Variants in TENT2 observed in about 807,000 individuals in gnomAD.
TENT2 encodes poly(A) RNA polymerase GLD2.
TENT2 carries 44 observed loss-of-function variants against 72.2 expected under a neutral mutation model. That is an observed-to-expected ratio of 0.61 (90% CI 0.48 to 0.78). TENT2 has a LOEUF of 0.78. Ranked by LOEUF, TENT2 falls within the 30% of genes least tolerant of loss-of-function variation. The pLI is 0.00. For synonymous variants in TENT2, 212 were observed against 192.5 expected, an observed-to-expected ratio of 1.10 and a Z score of -0.84; for missense variants, 541 against 569.6, an observed-to-expected ratio of 0.95 and a Z score of 0.51.
In TENT2 at chr5:79,613,299, ACTTGT is replaced by A. The variant is rs1048020154; in HGVS notation, c.-38+228_-38+232del. ...TCAAAACTTATGGATTCTCTAAATT[ACTTGT>A]CTTATCTCTTTCAACTCTTTGTTTA... On this transcript the variant is annotated intron_variant, in intron 1 of 14. Transcript: ENST00000453514. Among the ~76,000 whole-genome samples, 49 of 152,318 alleles carry A rather than the reference ACTTGT, an allele frequency of 3.2e-4. No individual in the cohort carries two copies. The Middle Eastern group carries it at 0.01, about 32-fold the overall frequency.
At position 79,685,462 on chromosome 5, in the gene TENT2, ATG is replaced by A; in HGVS notation, c.*191_*192del. ...CCTAATAAACCCCTTTGATTTAAAA[ATG>A]TATTTTTAAAAATGTTTACATTGAT... On this transcript the variant is annotated 3_prime_UTR_variant, in exon 15 of 15. Coordinates refer to ENST00000453514, the MANE Select transcript of TENT2 (RefSeq NM_001114394.3). The A allele has an allele frequency of 4.7e-6, 2 of 423,372 alleles. No homozygotes were observed. The highest frequency in any genetic ancestry group is 8.2e-6 in the Non-Finnish European group (2 of 243,796). 26.2% of individuals were successfully genotyped at this position (423,372 alleles called of 1,614,324 possible).
chr5:79,657,690 T>C (rs1798896780), intron 11 of TENT2, among the ~76,000 whole-genome samples: 1 of 152,204 alleles, frequency 6.6e-6, no homozygotes, highest in African/African-American at 2.4e-5. Flanking sequence ...AATTCTCTGT[T>C]TCTTTGTTTT....
At chr5:79,654,291 C>A (rs148382241) in intron 10 of TENT2, among the ~76,000 whole-genome samples, 3 of 151,996 alleles carry the variant, frequency 2.0e-5, no homozygotes, top group Non-Finnish European at 4.4e-5. Context: ...ATTAGCTGGG[C>A]GTGGTAGTGC....
intron 11 of TENT2, among the ~76,000 whole-genome samples, chr5:79,659,972 CT>C (rs1450293560): frequency 2.6e-5 from 4 of 151,902 alleles, no homozygotes; most frequent in African/African-American, 7.2e-5. Context: ...AACTTTGTTA[CT>C]TTACAAAGGA....
chr5:79,684,592 G>A (rs1825138205), intron 14 of TENT2, among the ~76,000 whole-genome samples: 1 of 152,168 alleles, frequency 6.6e-6, no homozygotes, highest in Admixed American at 6.5e-5. Flanking sequence ...AGCTAGTAAA[G>A]ATGTAAGACA....
rs373350966 is a variant in TENT2 at position 79,656,131 on chromosome 5, A to G, written c.1028-827A>G. ...TTTGAAAATGTATTACTTGTATTTT[A>G]CCATACTCATGACATTATATTTTAC... On this transcript the variant is annotated intron_variant, in intron 10 of 14. Transcript: ENST00000453514. 6.9e-3 allele frequency among the ~76,000 whole-genome samples: 1,055 copies of G among 152,056 alleles called. 5 individuals carry two copies. The highest frequency in any genetic ancestry group is 0.012 in the Non-Finnish European group (804 of 67,816).
At chr5:79,657,065 G>A (rs747774509) in intron 11 of TENT2, 64 bp downstream of exon 11, 11 of 1,138,364 alleles carry the variant, frequency 9.7e-6, no homozygotes, top group African/African-American at 1.6e-5. Context: ...ACTATTATAA[G>A]TAGTATTAAT....
chr5:79,627,895 C>T (rs141760853), intron 4 of TENT2, among the ~76,000 whole-genome samples: 166 of 152,256 alleles, frequency 1.1e-3, no homozygotes, highest in African/African-American at 3.6e-3. Context: ...AGAAAGCTAA[C>T]GTTTATTGAT....
At chr5:79,674,312 T>G (rs6453472) in intron 12 of TENT2, among the ~76,000 whole-genome samples, 65,936 of 151,854 alleles carry the variant, frequency 0.43, 17,213 homozygotes, top group African/African-American at 0.73. Flanking sequence ...AACTCAGGAG[T>G]TGGAGGTTGC....
At chr5:79,669,927 C>T (rs1227385634) in intron 12 of TENT2, among the ~76,000 whole-genome samples, 1 of 151,996 alleles carries the variant, frequency 6.6e-6, no homozygotes, top group Admixed American at 6.6e-5. Context: ...GATCACATAG[C>T]TAATAAGAGT....
At position 79,687,651 on chromosome 5, in the gene TENT2, A is replaced by G. The variant is rs989422962; in HGVS notation, c.*2378A>G. ...GATGCAACCATTCTGCCTCCTCCCTACCCCCTCCCAAATATTTTTCATCCT... is the reference window on the plus strand; with the variant it reads ...GATGCAACCATTCTGCCTCCTCCCTGCCCCCTCCCAAATATTTTTCATCCT... On this transcript the variant is annotated 3_prime_UTR_variant, in exon 15 of 15. Coordinates refer to ENST00000453514, the MANE Select transcript of TENT2 (RefSeq NM_001114394.3). 3.3e-5 allele frequency among the ~76,000 whole-genome samples: 5 copies of G among 151,730 alleles called. No individual in the cohort carries two copies. Among genetic ancestry groups the G allele is most frequent in the African/African-American group, 4.8e-5 (2 of 41,272 alleles).
intron 4 of TENT2, among the ~76,000 whole-genome samples, chr5:79,631,243 G>A (rs995798222): frequency 3.3e-5 from 5 of 152,106 alleles, no homozygotes; most frequent in Admixed American, 2.6e-4. Context: ...AAAACCATTG[G>A]GTTCGATTGA....
At position 79,637,992 on chromosome 5, in the gene TENT2, AT is replaced by A. The variant is rs1781520976; in HGVS notation, c.466-2856del. Among the ~76,000 whole-genome samples, 2 of 150,488 alleles carry A rather than the reference AT, an allele frequency of 1.3e-5. 1 individual carries two copies. Among genetic ancestry groups the A allele is most frequent in the South Asian group, 4.2e-4 (2 of 4,754 alleles). On this transcript the variant is annotated intron_variant, in intron 4 of 14. Coordinates refer to ENST00000453514, the MANE Select transcript of TENT2 (RefSeq NM_001114394.3). Reference sequence around the variant, plus strand: ...TTTTTGTATTTTTATTAGAGATGGGATTTCACCATGTTGTCCAGGATGGTCT... The same window carrying A: ...TTTTTGTATTTTTATTAGAGATGGGATTCACCATGTTGTCCAGGATGGTCT...
intron 4 of TENT2, among the ~76,000 whole-genome samples, chr5:79,626,382 A>G (rs1328305189): frequency 2.0e-5 from 3 of 146,560 alleles, no homozygotes; most frequent in African/African-American, 7.7e-5. Context: ...AACTCGGCTC[A>G]CTGCAAGCTC....
chr5:79,636,151 T>G (rs1173023324), intron 4 of TENT2, among the ~76,000 whole-genome samples: 1 of 152,234 alleles, frequency 6.6e-6, no homozygotes, highest in Non-Finnish European at 1.5e-5. Context: ...AAATTTTATG[T>G]TAGCCACTTT....
At chr5:79,657,250 G>A (rs1156883714) in intron 11 of TENT2, among the ~76,000 whole-genome samples, 1 of 152,076 alleles carries the variant, frequency 6.6e-6, no homozygotes, top group Non-Finnish European at 1.5e-5. Context: ...TGATGCTCAA[G>A]ATTATCACTA....
intron 4 of TENT2, among the ~76,000 whole-genome samples, chr5:79,626,625 A>G (rs868356594): frequency 7.4e-6 from 1 of 134,460 alleles, no homozygotes; most frequent in South Asian, 2.4e-4. Context: ...AATGTTTTTA[A>G]TTTTTTTTTT....
At chr5:79,675,447 G>A (rs1554092720) in intron 12 of TENT2, among the ~76,000 whole-genome samples, 2 of 152,120 alleles carry the variant, frequency 1.3e-5, no homozygotes, top group African/African-American at 2.4e-5. Flanking sequence ...GAAGTAAGAC[G>A]AAAGTATGAA....
chr5:79,644,883 C>T, intron 7 of TENT2: 1 of 366,764 alleles, frequency 2.7e-6, no homozygotes, highest in Non-Finnish European at 4.9e-6. Context: ...ATGAACTTCT[C>T]TATAGATACT....
Sources: gnomAD v4.1 joint callset for allele counts (sites outside exome capture counted in the v4.1 genomes callset) on GRCh38, gnomAD v4.1.1 for gene constraint, MANE v1.5 for transcripts, NCBI Gene and HGNC (gene_info 2026-07-23, HGNC 2026-07-21) for gene names.